Variants in ARHGAP22 observed in about 807,000 individuals in gnomAD.
The protein encoded by ARHGAP22 is Rho GTPase activating protein 22.
Under a neutral mutation model 59.1 loss-of-function variants are expected in ARHGAP22, and 48 were observed. The observed-to-expected ratio is 0.81, with a 90% CI of 0.64 to 1.03. The LOEUF (loss-of-function observed/expected upper bound fraction) is 1.03, where lower values mean the gene tolerates loss of function less well. Among genes scored for constraint, ARHGAP22 ranks in the 50% least tolerant of loss-of-function variants. ARHGAP22 has a pLI of 0.00. For missense variants in ARHGAP22, 1,015 were observed against 958.7 expected (o/e 1.06, Z -0.78); for synonymous variants, 445 against 416.4 (o/e 1.07, Z -0.84).
At chr10:48,613,832 A>G (rs965433998) in intron 1 of ARHGAP22, among the ~76,000 whole-genome samples, 1 of 152,192 alleles carries the variant, frequency 6.6e-6, no homozygotes, top group African/African-American at 2.4e-5. Flanking sequence ...TGCCATTTTG[A>G]TGGTATTAAG....
At chr10:48,460,140 T>A (rs1312551555) in intron 4 of ARHGAP22, among the ~76,000 whole-genome samples, 3 of 152,046 alleles carry the variant, frequency 2.0e-5, no homozygotes, top group Non-Finnish European at 4.4e-5. Context: ...AGTGAGATGG[T>A]GGTGTGACCT....
chr10:48,454,452 T>C (rs1396752620), intron 6 of ARHGAP22, among the ~76,000 whole-genome samples: 2 of 152,062 alleles, frequency 1.3e-5, no homozygotes, highest in Admixed American at 1.3e-4. Flanking sequence ...GACACAAATA[T>C]TTGCCAGATA....
At chr10:48,563,235 C>T (rs1270317402) in intron 2 of ARHGAP22, among the ~76,000 whole-genome samples, 2 of 125,574 alleles carry the variant, frequency 1.6e-5, no homozygotes, top group Non-Finnish European at 3.1e-5. Context: ...GCTCTGTGCC[C>T]CAGGCTGGAG....
chr10:48,432,501 T>C, the ARHGAP22 span, among the ~76,000 whole-genome samples: 3 of 152,188 alleles, frequency 2.0e-5, no homozygotes, highest in Non-Finnish European at 4.4e-5. Context: ...TCTCTACAAT[T>C]TACTTATAAC....
intron 3 of ARHGAP22, among the ~76,000 whole-genome samples, chr10:48,529,978 T>C (rs921284653): frequency 6.6e-6 from 1 of 152,188 alleles, no homozygotes; most frequent in Non-Finnish European, 1.5e-5. Flanking sequence ...GGCTCACGCC[T>C]GTAATCCCAG....
At chr10:48,620,820 T>G (rs2061259626) in intron 1 of ARHGAP22, among the ~76,000 whole-genome samples, 1 of 151,870 alleles carries the variant, frequency 6.6e-6, no homozygotes, top group Non-Finnish European at 1.5e-5. Flanking sequence ...CACATTAATT[T>G]CAACATCCAT....
At chr10:48,552,555 A>G (rs560632903) in intron 3 of ARHGAP22, among the ~76,000 whole-genome samples, 1 of 152,326 alleles carries the variant, frequency 6.6e-6, no homozygotes, top group African/African-American at 2.4e-5. Context: ...GGCATGGCCC[A>G]CTTGGTGATA....
rs547909517 is a variant in ARHGAP22 at position 48,493,310 on chromosome 10, T to C, written c.323-13546A>G. The C allele has an allele frequency of 6.9e-5, 71 of 1,025,668 alleles. No individual in the cohort carries two copies. The South Asian group carries it at 1.1e-3, about 15-fold the overall frequency. The allele number at this position is 1,025,668 out of a possible 1,614,324, so 63.5% of individuals were successfully genotyped here. On this transcript the variant is annotated intron_variant, in intron 3 of 9. Transcript: ENST00000249601. ...TCCCTGCTGTCCTCCCAGTCTTCAT[T>C]CATGTCTTTCATTTCTCTTTACCTG...
At chr10:48,600,546 G>T (rs974216095) in intron 1 of ARHGAP22, among the ~76,000 whole-genome samples, 9 of 136,832 alleles carry the variant, frequency 6.6e-5, no homozygotes, top group Admixed American at 6.4e-4. Flanking sequence ...TCCCAGAGGA[G>T]TATTCAAAAA....
At chr10:48,533,418 C>T (rs2055052503) in intron 3 of ARHGAP22, among the ~76,000 whole-genome samples, 2 of 152,164 alleles carry the variant, frequency 1.3e-5, no homozygotes, top group African/African-American at 2.4e-5. Context: ...TAGGTCCTAA[C>T]AGTCTTCATA....
chr10:48,541,684 G>A (rs945307915), intron 3 of ARHGAP22, among the ~76,000 whole-genome samples: 10 of 152,108 alleles, frequency 6.6e-5, no homozygotes, highest in African/African-American at 2.2e-4. Context: ...CCAGTGCACT[G>A]GAGTATAGAC....
chr10:48,525,182 A>C (rs920362087), intron 3 of ARHGAP22, among the ~76,000 whole-genome samples: 1 of 152,236 alleles, frequency 6.6e-6, no homozygotes, highest in Non-Finnish European at 1.5e-5. Context: ...CCCCATGGAA[A>C]TGTGTCCCCA....
intron 9 of ARHGAP22, among the ~76,000 whole-genome samples, chr10:48,449,092 G>A (rs1327247603): frequency 2.0e-5 from 3 of 152,186 alleles, no homozygotes; most frequent in East Asian, 1.9e-4. Flanking sequence ...CACAACTGGC[G>A]CAGCTGGTCC....
rs2058699294 is a variant in ARHGAP22, at chr10:48,576,130, T to G, written c.234+6823A>C. On this transcript the variant is annotated intron_variant, in intron 2 of 9. Transcript: ENST00000249601. ...TGTGTTCCTGCCTGTAGGATGAGCA[T>G]CCTATGCCCTACGTCAGAGACTATG... 2.6e-5 allele frequency among the ~76,000 whole-genome samples: 4 copies of G among 152,332 alleles called. No homozygotes were observed. In the South Asian group the frequency reaches 8.3e-4, roughly 32 times the overall value.
intron 3 of ARHGAP22, among the ~76,000 whole-genome samples, chr10:48,514,428 GAAC>G (rs1056352964): frequency 4.6e-5 from 7 of 152,234 alleles, no homozygotes; most frequent in African/African-American, 1.7e-4. Flanking sequence ...GAAGGCAACA[GAAC>G]AACATTTTCA....
chr10:48,546,359 A>G (rs1426283771), intron 3 of ARHGAP22: 3 of 152,532 alleles, frequency 2.0e-5, no homozygotes, highest in Non-Finnish European at 4.4e-5. Flanking sequence ...TAAGGATTCA[A>G]ATGTACTTTA....
At chr10:48,491,322 A>G (rs1225920435) in intron 3 of ARHGAP22, among the ~76,000 whole-genome samples, 1 of 152,166 alleles carries the variant, frequency 6.6e-6, no homozygotes, top group Admixed American at 6.5e-5. Flanking sequence ...GTGGCCCAGA[A>G]AGCTGTCCTT....
chr10:48,517,076 GGAGGGTTGTTTCTGGAAT>G (rs1314752257), intron 3 of ARHGAP22, among the ~76,000 whole-genome samples: 1 of 152,220 alleles, frequency 6.6e-6, no homozygotes. Flanking sequence ...GGGGACACGG[GGAGGGTTGTTTCTGGAAT>G]GAGACATGAC....
At chr10:48,557,572 T>A (rs2057387582) in intron 2 of ARHGAP22, among the ~76,000 whole-genome samples, 1 of 151,990 alleles carries the variant, frequency 6.6e-6, no homozygotes, top group African/African-American at 2.4e-5. Context: ...CCCACAAGGG[T>A]GTGCTGGGGA....
Sources: allele counts gnomAD v4.1 joint callset (sites outside exome capture counted in the v4.1 genomes callset), GRCh38; gene constraint gnomAD v4.1.1; transcripts MANE v1.5; gene names NCBI Gene and HGNC (gene_info 2026-07-23, HGNC 2026-07-21).